CCDC141: variants seen among roughly 807,000 people sequenced by gnomAD.
The protein encoded by CCDC141 is coiled-coil domain-containing protein 141.
A neutral mutation model predicts 181.0 loss-of-function variants in CCDC141; 168 were observed. The observed-to-expected ratio is 0.93, with a 90% CI of 0.82 to 1.05. CCDC141 has a LOEUF of 1.05. CCDC141 is among the 50% of genes least tolerant of loss of function. The pLI, the probability that CCDC141 is intolerant of heterozygous loss-of-function variation, is 0.00. For missense variants in CCDC141, 1,902 were observed against 1,788.5 expected (o/e 1.06, Z -1.14); for synonymous variants, 666 against 642.3 (o/e 1.04, Z -0.56).
At chr2:179,004,404 C>G (rs2042066254) in intron 2 of CCDC141, among the ~76,000 whole-genome samples, 1 of 152,130 alleles carries the variant, frequency 6.6e-6, no homozygotes, top group East Asian at 1.9e-4. Context: ...AAAAATCATA[C>G]AATGCATACA....
chr2:178,971,593 A>G (rs1207955855), intron 4 of CCDC141, among the ~76,000 whole-genome samples: 2 of 152,226 alleles, frequency 1.3e-5, no homozygotes, highest in Admixed American at 6.5e-5. Flanking sequence ...AGGATTATAA[A>G]TCATTCTACT....
At chr2:178,967,536 A>G (rs1690695272) in intron 4 of CCDC141, among the ~76,000 whole-genome samples, 1 of 152,238 alleles carries the variant, frequency 6.6e-6, no homozygotes, top group African/African-American at 2.4e-5. Context: ...AGACAAGGAA[A>G]TGCTGAGAGA....
chr2:179,030,661 T>C (rs1230428720), intron 2 of CCDC141, among the ~76,000 whole-genome samples: 2 of 152,116 alleles, frequency 1.3e-5, no homozygotes, highest in East Asian at 3.8e-4. Flanking sequence ...TTAAAGAAAT[T>C]ACTTTTCTAA....
intron 4 of CCDC141, among the ~76,000 whole-genome samples, chr2:178,971,853 C>A (rs1690903583): frequency 6.6e-6 from 1 of 152,100 alleles, no homozygotes; most frequent in African/African-American, 2.4e-5. Flanking sequence ...CATCTTCTCA[C>A]TCATAAGTGG....
At chr2:178,930,470 T>C (rs1689060946) in intron 6 of CCDC141, among the ~76,000 whole-genome samples, 1 of 152,068 alleles carries the variant, frequency 6.6e-6, no homozygotes, top group African/African-American at 2.4e-5. Flanking sequence ...AATATTAATG[T>C]GGAATTGGAA....
chr2:179,044,489 G>C (rs2043420442), intron 2 of CCDC141, among the ~76,000 whole-genome samples: 2 of 152,152 alleles, frequency 1.3e-5, no homozygotes, highest in African/African-American at 4.8e-5. Context: ...GGCAGGAGCT[G>C]AATTGCTGCA....
chr2:178,867,957 T>C (rs1685925303), intron 16 of CCDC141, 69 bp downstream of exon 16: 5 of 1,283,654 alleles, frequency 3.9e-6, no homozygotes, highest in Non-Finnish European at 5.4e-6. Flanking sequence ...ATCTGCCTGG[T>C]TTCTTTCATA....
rs144522936 is a variant in CCDC141 at position 178,892,562 on chromosome 2, C to A, written c.1266-3894G>T. 5.9e-4 allele frequency among the ~76,000 whole-genome samples: 90 copies of A among 152,254 alleles called. 1 individual carries two copies. The highest frequency in any genetic ancestry group is 2.0e-3 in the African/African-American group (83 of 41,540). On this transcript the variant is annotated intron_variant, in intron 8 of 23. Coordinates refer to ENST00000443758, the MANE Select transcript of CCDC141 (RefSeq NM_173648.4). ...GGGTTACATTCAGCCCTGATTCCAT[C>A]CTTTTCCATTAGAAACTTTATACGA... is the stretch of plus-strand genomic sequence containing the variant.
At chr2:178,973,942 T>C (rs1691010436) in intron 4 of CCDC141, among the ~76,000 whole-genome samples, 1 of 152,222 alleles carries the variant, frequency 6.6e-6, no homozygotes, top group South Asian at 2.1e-4. Flanking sequence ...ACTGTTGCTT[T>C]AAAGCACAAA....
chr2:178,994,726 T>C (rs1231396869), intron 2 of CCDC141, among the ~76,000 whole-genome samples: 1 of 152,210 alleles, frequency 6.6e-6, no homozygotes, highest in Non-Finnish European at 1.5e-5. Context: ...GCTTCCCTTA[T>C]AAAACTGAAT....
chr2:178,902,809 G>A (rs1285156142), intron 8 of CCDC141, among the ~76,000 whole-genome samples: 1 of 149,482 alleles, frequency 6.7e-6, no homozygotes, highest in East Asian at 2.0e-4. Flanking sequence ...TACCATCAGA[G>A]TGAACAGGCA....
Position 178,855,521 on chromosome 2 carries a change from T to C in CCDC141, c.2886A>G (p.Glu962=). 1 of 1,586,476 alleles carries C rather than the reference T, an allele frequency of 6.3e-7. No homozygotes were observed. Among genetic ancestry groups the C allele is most frequent in the Non-Finnish European group, 8.5e-7 (1 of 1,170,646 alleles). The part of the protein sequence containing the change: ...EKMQALKRKM[E]KVSNKTSDSF... ...AATCAGAGGTTTTATTACTAACTTT[T>C]TCCATTTTCCTTTTCAAAGCCTGTG... is the stretch of plus-strand genomic sequence containing the variant. The change falls in exon 19 of 24, where the codon GAA becomes GAG. Residue 962 remains glutamate, a synonymous_variant. Coordinates refer to ENST00000443758, the MANE Select transcript of CCDC141 (RefSeq NM_173648.4).
At position 179,047,324 on chromosome 2, in the gene CCDC141, T is replaced by C; in HGVS notation, c.185A>G (p.Lys62Arg). The change falls in exon 2 of 24, where the codon AAA (lysine) becomes AGA (arginine). Residue 62 changes from lysine (K) to arginine (R), a missense_variant. Physicochemically the swap from Lys to Arg is conservative, Grantham distance 26 (BLOSUM62 2). Transcript: ENST00000443758. Reference sequence around the variant, plus strand: ...AAGAAGTTCATGATCATGAAGAAGTTTTTTGGTTTCATCTTGACTGCTGCC... The same window carrying C: ...AAGAAGTTCATGATCATGAAGAAGTCTTTTGGTTTCATCTTGACTGCTGCC... The part of the protein sequence containing the change: ...EIGSSQDETK[K>R]LLHDHELLLA... 1.3e-6 allele frequency: 2 copies of C among 1,544,184 alleles called. No individual in the cohort carries two copies. Among genetic ancestry groups the C allele is most frequent in the Non-Finnish European group, 1.7e-6 (2 of 1,145,372 alleles).
intron 2 of CCDC141, among the ~76,000 whole-genome samples, chr2:178,987,496 C>T (rs1417256233): frequency 1.3e-5 from 2 of 152,014 alleles, no homozygotes; most frequent in Non-Finnish European, 2.9e-5. Context: ...AGAGCTTCTG[C>T]ACAGCAAAAG....
intron 23 of CCDC141, chr2:178,835,985 G>A (rs1366096759): frequency 6.6e-6 from 1 of 152,494 alleles, no homozygotes; most frequent in Non-Finnish European, 1.5e-5. Flanking sequence ...CCATCAATGG[G>A]CACACACAAT....
At chr2:178,997,555 C>T (rs1692343942) in intron 2 of CCDC141, among the ~76,000 whole-genome samples, 1 of 152,130 alleles carries the variant, frequency 6.6e-6, no homozygotes, top group Non-Finnish European at 1.5e-5. Context: ...TTTACAGCTC[C>T]AGCACCTGTC....
At chr2:178,914,115 A>G (rs936487056) in intron 7 of CCDC141, among the ~76,000 whole-genome samples, 7 of 152,244 alleles carry the variant, frequency 4.6e-5, no homozygotes, top group African/African-American at 1.7e-4. Flanking sequence ...AAGATAATCT[A>G]TAATCCCGAA....
intron 7 of CCDC141, among the ~76,000 whole-genome samples, chr2:178,907,333 A>T (rs946625826): frequency 4.5e-4 from 69 of 152,332 alleles, no homozygotes; most frequent in African/African-American, 1.6e-3. Context: ...CAAGGAGCAG[A>T]TTTGGGATTT....
chr2:179,017,713 G>A (rs2042583537), intron 2 of CCDC141, among the ~76,000 whole-genome samples: 1 of 152,048 alleles, frequency 6.6e-6, no homozygotes, highest in Non-Finnish European at 1.5e-5. Context: ...AAAAATCAGG[G>A]CAGTTACCAA....
Sources: gnomAD v4.1 joint callset for allele counts (sites outside exome capture counted in the v4.1 genomes callset) on GRCh38, gnomAD v4.1.1 for gene constraint, MANE v1.5 for transcripts, NCBI Gene and HGNC (gene_info 2026-07-23, HGNC 2026-07-21) for gene names.